The following CAMTA1 variants were observed in gnomAD, a reference collection of about 807,000 sequenced individuals.
The protein encoded by CAMTA1 is calmodulin-binding transcription activator 1.
CAMTA1 carries 27 observed loss-of-function variants against 170.9 expected under a neutral mutation model. The observed-to-expected ratio is 0.16, with a 90% CI of 0.12 to 0.22. The LOEUF (loss-of-function observed/expected upper bound fraction) is 0.22. CAMTA1 is among the 10% of genes least tolerant of loss of function. The pLI, the probability that CAMTA1 is intolerant of heterozygous loss-of-function variation, is 1.00. For missense variants in CAMTA1, 1,619 were observed against 2,217.2 expected (o/e 0.73, Z 5.42); for synonymous variants, 833 against 891.5 (o/e 0.93, Z 1.17).
At chr1:6,822,979 ACTGATAG>A in intron 2 of CAMTA1, among the ~76,000 whole-genome samples, 1 of 152,252 alleles carries the variant, frequency 6.6e-6, no homozygotes, top group Non-Finnish European at 1.5e-5. Context: ...TGTACTTCAA[ACTGATAG>A]CTTTCTCAGA....
At chr1:7,236,804 G>C (rs1021121219) in intron 4 of CAMTA1, among the ~76,000 whole-genome samples, 1 of 152,220 alleles carries the variant, frequency 6.6e-6, no homozygotes, top group African/African-American at 2.4e-5. Context: ...ATGGTGCATG[G>C]AAATCAGGCC....
At chr1:7,236,123 G>A (rs1369192800) in intron 4 of CAMTA1, among the ~76,000 whole-genome samples, 3 of 152,114 alleles carry the variant, frequency 2.0e-5, no homozygotes, top group East Asian at 1.9e-4. Context: ...CCCCCAAATC[G>A]TGAAGACCCC....
intron 3 of CAMTA1, among the ~76,000 whole-genome samples, chr1:6,894,145 A>G (rs1675157072): frequency 6.6e-6 from 1 of 151,982 alleles, no homozygotes; most frequent in African/African-American, 2.4e-5. Flanking sequence ...TGACATATGA[A>G]TGAACTTATT....
At chr1:7,615,518 T>C (rs1426989573) in intron 6 of CAMTA1, among the ~76,000 whole-genome samples, 1 of 152,114 alleles carries the variant, frequency 6.6e-6, no homozygotes, top group Non-Finnish European at 1.5e-5. Context: ...GTTAAGAGGG[T>C]CAAATGAAAT....
rs186208009 is a variant in CAMTA1, at chr1:7,090,786, G to A, written c.235-518G>A. Among the ~76,000 whole-genome samples the A allele has an allele frequency of 2.1e-4, 32 of 152,096 alleles. No homozygotes were observed. The South Asian group carries it at 2.3e-3, about 11-fold the overall frequency. ...GGGAAAGGTTAACTTATTTCTCCCCGTTTCCTCTCTGGAATATGGCTTTAT... is the reference window on the plus strand; with the variant it reads ...GGGAAAGGTTAACTTATTTCTCCCCATTTCCTCTCTGGAATATGGCTTTAT... On this transcript the variant is annotated intron_variant, in intron 3 of 22. Transcript: ENST00000303635.
At chr1:7,358,082 C>T (rs1032827986) in intron 5 of CAMTA1, among the ~76,000 whole-genome samples, 5 of 152,126 alleles carry the variant, frequency 3.3e-5, no homozygotes, top group Non-Finnish European at 7.3e-5. Flanking sequence ...GGGGAATGGA[C>T]ACGGAGAACA....
Position 7,661,820 on chromosome 1 carries a change from C to T in CAMTA1, c.759C>T (p.Thr253=). Residue 253 remains threonine, a synonymous_variant, in exon 8 of 23, where the codon ACC becomes ACT. Transcript: ENST00000303635. ...AGCAGATCCTCGACAGCCACCAGAC[C>T]AAGCCCCAGCCGCGGACCCACAACT... ...LVQQILDSHQ[T]KPQPRTHNCL... is the part of the protein sequence containing the mutation. 1 of 1,613,532 alleles carries T rather than the reference C, an allele frequency of 6.2e-7. No individual in the cohort carries two copies. The highest frequency in any genetic ancestry group is 8.5e-7 in the Non-Finnish European group (1 of 1,179,944).
intron 5 of CAMTA1, among the ~76,000 whole-genome samples, chr1:7,345,740 T>A (rs1465165171): frequency 6.6e-6 from 1 of 152,180 alleles, no homozygotes; most frequent in Non-Finnish European, 1.5e-5. Flanking sequence ...GGGCATGCAG[T>A]CAGGGCTTCA....
Position 7,014,870 on chromosome 1 carries a change from G to A in CAMTA1, c.235-76434G>A, listed in dbSNP as rs1201015110. Among the ~76,000 whole-genome samples, 2 of 152,140 alleles carry A rather than the reference G, an allele frequency of 1.3e-5. No homozygotes were observed. The highest frequency in any genetic ancestry group is 4.1e-4 in the South Asian group (2 of 4,830). On this transcript the variant is annotated intron_variant, in intron 3 of 22. Transcript: ENST00000303635. This position sits in a 1 kb window ranked among gnomAD's most constrained non-coding sequence, Gnocchi z 4.2. ...ATCAGTGGGTTTCTGATGAATGCCT[G>A]GAGTTGTTTGTATAATTGGGGCTCT...
intron 11 of CAMTA1, among the ~76,000 whole-genome samples, chr1:7,718,554 C>CTT (rs34752156): frequency 4.4e-4 from 54 of 123,534 alleles, no homozygotes; most frequent in African/African-American, 5.2e-4. Flanking sequence ...CATTACAGCA[C>CTT]TTTTTTTTTT....
chr1:7,351,338 C>T (rs2084655943), intron 5 of CAMTA1, among the ~76,000 whole-genome samples: 1 of 152,232 alleles, frequency 6.6e-6, no homozygotes, highest in Admixed American at 6.5e-5. Flanking sequence ...GAACTTCTAG[C>T]AAAATTATGG....
intron 5 of CAMTA1, among the ~76,000 whole-genome samples, chr1:7,446,034 G>T (rs1390211133): frequency 3.9e-5 from 6 of 152,120 alleles, no homozygotes; most frequent in Non-Finnish European, 8.8e-5. Context: ...GAGTTGGGCT[G>T]GTGGGTGGAC....
chr1:7,697,857 C>A (rs961905101), intron 11 of CAMTA1, among the ~76,000 whole-genome samples: 1 of 150,196 alleles, frequency 6.7e-6, no homozygotes, highest in Non-Finnish European at 1.5e-5. Context: ...CTATCCTCCA[C>A]ATCACTGTCA....
chr1:7,181,517 CAATA>C (rs1018727900), intron 4 of CAMTA1, among the ~76,000 whole-genome samples: 29 of 152,200 alleles, frequency 1.9e-4, no homozygotes, highest in African/African-American at 6.7e-4. Context: ...GTAAATTAAA[CAATA>C]AAATCATTAT....
chr1:7,630,893 G>A (rs562428218), intron 6 of CAMTA1, among the ~76,000 whole-genome samples: 1 of 152,328 alleles, frequency 6.6e-6, no homozygotes, highest in Non-Finnish European at 1.5e-5. Context: ...GCCCCCAGAA[G>A]AGCACAGTTG....
At chr1:7,184,744 C>T (rs1161317565) in intron 4 of CAMTA1, among the ~76,000 whole-genome samples, 4 of 151,986 alleles carry the variant, frequency 2.6e-5, no homozygotes, top group African/African-American at 9.7e-5. Flanking sequence ...ATAATCTTGT[C>T]AATATTTCAA....
At chr1:7,670,740 G>T (rs2096053441) in intron 9 of CAMTA1, among the ~76,000 whole-genome samples, 171 bp from the exon 10 acceptor site, 1 of 152,188 alleles carries the variant, frequency 6.6e-6, no homozygotes, top group African/African-American at 2.4e-5. Context: ...CTGGAGCTGT[G>T]GTTCTCAGAA....
intron 3 of CAMTA1, among the ~76,000 whole-genome samples, chr1:6,882,094 C>G (rs1000085462): frequency 6.6e-6 from 1 of 152,136 alleles, no homozygotes; most frequent in African/African-American, 2.4e-5. Flanking sequence ...ATATAGCTAG[C>G]AAGCTAAGAA....
At chr1:7,292,291 A>G (rs953921300) in intron 5 of CAMTA1, among the ~76,000 whole-genome samples, 1 of 152,054 alleles carries the variant, frequency 6.6e-6, no homozygotes, top group African/African-American at 2.4e-5. Context: ...ACGTCCTGGC[A>G]GTTTCAAAAG....
Sources: gnomAD v4.1 joint callset for allele counts (sites outside exome capture counted in the v4.1 genomes callset) on GRCh38, gnomAD v4.1.1 for gene constraint, Gnocchi (gnomAD v3.1) non-coding constraint, MANE v1.5 for transcripts, NCBI Gene and HGNC (gene_info 2026-07-23, HGNC 2026-07-21) for gene names.